Variants in KLHL24 observed in about 807,000 individuals in gnomAD.
The protein encoded by KLHL24 is kelch-like protein 24.
KLHL24 carries 29 observed loss-of-function variants against 53.4 expected under a neutral mutation model. The ratio of observed to expected loss-of-function variants is 0.54; its 90% CI spans 0.40 to 0.74. The LOEUF (loss-of-function observed/expected upper bound fraction) is 0.74. Ranked by LOEUF, KLHL24 falls within the 30% of genes least tolerant of loss-of-function variation. The pLI, the probability that KLHL24 is intolerant of heterozygous loss-of-function variation, is 0.00. For missense variants in KLHL24, 504 were observed against 744.0 expected, an observed-to-expected ratio of 0.68 and a Z score of 3.75; for synonymous variants, 222 against 253.7, an observed-to-expected ratio of 0.88 and a Z score of 1.19.
At chr3:183,639,579 A>G (rs368805830) in intron 1 of KLHL24, among the ~76,000 whole-genome samples, 77 of 148,364 alleles carry the variant, frequency 5.2e-4, no homozygotes, top group African/African-American at 1.7e-3. Flanking sequence ...GCAGTGAGCC[A>G]AGATCGCGCC....
chr3:183,673,510 C>T (rs927167075), intron 7 of KLHL24, among the ~76,000 whole-genome samples: 1 of 152,000 alleles, frequency 6.6e-6, no homozygotes, highest in South Asian at 2.1e-4. Context: ...GCTGGGAAAT[C>T]TGTTATTTCT....
At chr3:183,670,911 T>C in intron 5 of KLHL24, 123 bp from the exon 6 acceptor site, 1 of 671,214 alleles carries the variant, frequency 1.5e-6, no homozygotes, top group South Asian at 2.1e-5. Flanking sequence ...GAGCTAAATA[T>C]ATTGCAATTA....
At chr3:183,667,786 G>A (rs1720782248) in intron 5 of KLHL24, among the ~76,000 whole-genome samples, 1 of 152,020 alleles carries the variant, frequency 6.6e-6, no homozygotes, top group Non-Finnish European at 1.5e-5. Context: ...GCACAGTCAT[G>A]GCTCACTGCA....
In KLHL24 at chr3:183,671,205, A is replaced by G; in HGVS notation, c.1396A>G (p.Asn466Asp). ...TGTGATTGGTGGAGGACCTGATGAT[A>G]ATACTTGTTCTGATAAGGTAAGCCA... ...LFVIGGGPDDNTCSDKVQSYD... is the reference protein window; with the variant it reads ...LFVIGGGPDDDTCSDKVQSYD... The change falls in exon 6 of 8, where the codon AAT becomes GAT. Residue 466 changes from asparagine to aspartate, a missense_variant. By Grantham distance (23) the Asn-to-Asp change is conservative. Transcript: ENST00000242810. 6.2e-7 allele frequency: 1 copy of G among 1,613,870 alleles called. No homozygotes were observed. The highest frequency in any genetic ancestry group is 1.3e-5 in the African/African-American group (1 of 75,044).
chr3:183,653,717 G>C (rs1223201832), intron 3 of KLHL24, among the ~76,000 whole-genome samples: 2 of 152,136 alleles, frequency 1.3e-5, no homozygotes, highest in Non-Finnish European at 1.5e-5. Context: ...AGAATTTTAG[G>C]GGGAGACTGA....
intron 1 of KLHL24, 89 bp from the exon 2 acceptor site, chr3:183,643,391 A>C (rs1414046958): frequency 6.6e-6 from 1 of 152,220 alleles, no homozygotes; most frequent in Non-Finnish European, 1.5e-5. Flanking sequence ...ATTACTAAAA[A>C]CTTTGTTCAA....
chr3:183,667,987 A>G (rs1224407789), intron 5 of KLHL24, among the ~76,000 whole-genome samples: 1 of 151,044 alleles, frequency 6.6e-6, no homozygotes, highest in Admixed American at 6.6e-5. Context: ...TGCTGAGATT[A>G]CAGGCATGAG....
Position 183,650,542 on chromosome 3 carries a change from C to G in KLHL24, c.186C>G (p.Ser62Arg). The change falls in exon 3 of 8, where the codon AGC (serine) becomes AGG (arginine). Residue 62 changes from serine to arginine, a missense_variant. Transcript: ENST00000242810. This position sits in a 1 kb window ranked among gnomAD's most constrained non-coding sequence, Gnocchi z 4.5. ...ILQIFNEFRD[S>R]RLFTDVIICV... ...AGATATTTAATGAATTTCGTGATAG[C>G]CGCTTATTCACAGATGTTATCATTT... 1 of 1,614,086 alleles carries G rather than the reference C, an allele frequency of 6.2e-7. No homozygotes were observed.
Position 183,650,753 on chromosome 3 carries a change from A to G in KLHL24, c.397A>G (p.Thr133Ala). The G allele has an allele frequency of 1.9e-6, 3 of 1,614,068 alleles. No homozygotes were observed. Among genetic ancestry groups the G allele is most frequent in the Non-Finnish European group, 2.5e-6 (3 of 1,180,006 alleles). Residue 133 changes from threonine (T) to alanine (A), a missense_variant, in exon 3 of 8, where the codon ACA becomes GCA. Transcript: ENST00000242810. The surrounding 1 kb of genome is among the most constrained non-coding windows in gnomAD (Gnocchi z 4.5). Reference protein sequence around the residue: ...YVYTGKVKITTENVQYLFETS... With the variant: ...YVYTGKVKITAENVQYLFETS... ...TTATACTGGAAAGGTGAAGATCACT[A>G]CAGAGAATGTACAGTATCTCTTTGA...
chr3:183,663,119 A>G lies in KLHL24; in HGVS notation c.921-339A>G, dbSNP rs565480745. 5.3e-5 allele frequency among the ~76,000 whole-genome samples: 8 copies of G among 152,344 alleles called. No homozygotes were observed. The South Asian group carries it at 1.4e-3, about 28-fold the overall frequency. On this transcript the variant is annotated intron_variant, in intron 3 of 7. Coordinates refer to ENST00000242810, the MANE Select transcript of KLHL24 (RefSeq NM_017644.3). The surrounding 1 kb of genome is among the most constrained non-coding windows in gnomAD (Gnocchi z 4.9). ...TACCTTGTGTGGTTATGCGTATCTG[A>G]ATCACTGCAAAACTGCATTTGAAAG...
Position 183,663,356 on chromosome 3 carries a change from A to T in KLHL24, c.921-102A>T, listed in dbSNP as rs972543016. 1.9e-6 allele frequency: 1 copy of T among 532,742 alleles called. No homozygotes were observed. Among genetic ancestry groups the T allele is most frequent in the Non-Finnish European group, 3.0e-6 (1 of 329,322 alleles). The allele number at this position is 532,742 out of a possible 1,614,324, so 33.0% of individuals were successfully genotyped here. On this transcript the variant is annotated intron_variant, in intron 3 of 7. Transcript: ENST00000242810. The surrounding 1 kb of genome is among the most constrained non-coding windows in gnomAD (Gnocchi z 4.9). ...ACAGAGAAGAAACTTAACTGTTTAT[A>T]ATAGTGCGTGGTTTGTTTTTAGAGT...
At position 183,663,741 on chromosome 3, in the gene KLHL24, C is replaced by G; in HGVS notation, c.1105+99C>G. The G allele has an allele frequency of 1.6e-6, 1 of 614,458 alleles. No homozygotes were observed. Among genetic ancestry groups the G allele is most frequent in the Non-Finnish European group, 2.6e-6 (1 of 389,270 alleles). The allele number at this position is 614,458 out of a possible 1,614,324, so 38.1% of individuals were successfully genotyped here. A position where few individuals can be genotyped will look rare whatever the true frequency, so the allele number is the denominator to read the frequency against. ...TTAAAATAGTGAAATGTGAATACTC[C>G]CACTTGAGGAAGATCAGTTTACAAC... On this transcript the variant is annotated intron_variant, in intron 4 of 7. Transcript: ENST00000242810. The surrounding 1 kb of genome is among the most constrained non-coding windows in gnomAD (Gnocchi z 4.9).
chr3:183,679,338 A>G lies in KLHL24; in HGVS notation c.*52A>G, dbSNP rs773814843. On this transcript the variant is annotated 3_prime_UTR_variant, in exon 8 of 8. Coordinates refer to ENST00000242810, the MANE Select transcript of KLHL24 (RefSeq NM_017644.3). ...ACACTGATCCAAGATGGGAGGTTTT[A>G]AAAACTCTACAGTGGGAACTTCACA... 2.1e-6 allele frequency: 3 copies of G among 1,407,174 alleles called. No homozygotes were observed. The highest frequency in any genetic ancestry group is 3.0e-6 in the Non-Finnish European group (3 of 997,954). The allele number at this position is 1,407,174 out of a possible 1,614,324, so 87.2% of individuals were successfully genotyped here.
intron 1 of KLHL24, among the ~76,000 whole-genome samples, chr3:183,641,183 T>C (rs1716365377): frequency 6.6e-6 from 1 of 152,194 alleles, no homozygotes; most frequent in African/African-American, 2.4e-5. Flanking sequence ...TATATGATTT[T>C]CTGGTTATTT....
chr3:183,673,529 GGAAAT>G (rs1721652812), intron 7 of KLHL24, among the ~76,000 whole-genome samples: 1 of 152,056 alleles, frequency 6.6e-6, no homozygotes, highest in African/African-American at 2.4e-5. Context: ...CTGTTGTAAA[GGAAAT>G]GGCTGTGCTC....
chr3:183,640,776 A>G (rs1452118023), intron 1 of KLHL24, among the ~76,000 whole-genome samples: 4 of 151,112 alleles, frequency 2.6e-5, no homozygotes, highest in Non-Finnish European at 5.9e-5. Flanking sequence ...ATTTTTTTGT[A>G]TTTTTAGTAG....
intron 5 of KLHL24, among the ~76,000 whole-genome samples, chr3:183,669,396 A>G (rs1178407514): frequency 6.6e-6 from 1 of 152,178 alleles, no homozygotes; most frequent in African/African-American, 2.4e-5. Context: ...TGAGTCTCCA[A>G]AAGGGTAGAT....
Position 183,672,348 on chromosome 3 carries a change from C to T in KLHL24, c.1466C>T (p.Pro489Leu). Residue 489 changes from proline (P) to leucine (L), a missense_variant, in exon 7 of 8, where the codon CCA (proline) becomes CTA (leucine). Physicochemically the swap from Pro to Leu is moderately conservative, Grantham distance 98. Coordinates refer to ENST00000242810, the MANE Select transcript of KLHL24 (RefSeq NM_017644.3). ...TNSWLLRAAIPIAKRCITAVS... is the reference protein window; with the variant it reads ...TNSWLLRAAILIAKRCITAVS... ...TCTTGGCTACTTCGTGCAGCTATCC[C>T]AATTGCCAAAAGGTGTATAACAGCT... 1 of 1,610,104 alleles carries T rather than the reference C, an allele frequency of 6.2e-7. No homozygotes were observed. Among genetic ancestry groups the T allele is most frequent in the South Asian group, 1.1e-5 (1 of 90,456 alleles).
In KLHL24 at chr3:183,650,152, T is replaced by C; in HGVS notation, c.-61-144T>C. 2.0e-6 allele frequency: 1 copy of C among 490,054 alleles called. No homozygotes were observed. 30.4% of individuals were successfully genotyped at this position (490,054 alleles called of 1,614,324 possible). ...TCAAATGCAAATTTTTGTTGATTAG[T>C]TTTTATTAACATGAGATAGTGCTGT... is the stretch of plus-strand genomic sequence containing the variant. On this transcript the variant is annotated intron_variant, in intron 2 of 7. Coordinates refer to ENST00000242810, the MANE Select transcript of KLHL24 (RefSeq NM_017644.3). This position sits in a 1 kb window ranked among gnomAD's most constrained non-coding sequence, Gnocchi z 4.5.
Sources: gnomAD v4.1 joint callset for allele counts (sites outside exome capture counted in the v4.1 genomes callset) on GRCh38, gnomAD v4.1.1 for gene constraint, Gnocchi (gnomAD v3.1) non-coding constraint, MANE v1.5 for transcripts, NCBI Gene and HGNC (gene_info 2026-07-23, HGNC 2026-07-21) for gene names.